The following SIRT5 variants were observed in gnomAD, a reference collection of about 807,000 sequenced individuals.
SIRT5 encodes the protein NAD-dependent protein deacylase sirtuin-5, mitochondrial.
In SIRT5, 26 loss-of-function variants were observed where a neutral mutation model predicts 40.0. That is an observed-to-expected ratio of 0.65 (90% confidence interval 0.48 to 0.90). The LOEUF (loss-of-function observed/expected upper bound fraction) is 0.90, where lower values mean the gene tolerates loss of function less well. Ranked by LOEUF, SIRT5 falls within the 40% of genes least tolerant of loss-of-function variation. The probability of loss-of-function intolerance (pLI) is 0.00; values close to 1 mark genes in which losing one functional copy is unlikely to be tolerated. For synonymous variants in SIRT5, 146 were observed against 149.1 expected, an observed-to-expected ratio of 0.98 and a Z score of 0.15; for missense variants, 401 against 402.4, an observed-to-expected ratio of 1.00 and a Z score of 0.03.
At chr6:13,603,086 G>GT (rs1056147400) in intron 9 of SIRT5, among the ~76,000 whole-genome samples, 3 of 152,064 alleles carry the variant, frequency 2.0e-5, no homozygotes, top group Admixed American at 6.6e-5. Context: ...GACCATCCTG[G>GT]TTAACACGGT....
At chr6:13,586,651 A>G (rs1355566781) in intron 3 of SIRT5, among the ~76,000 whole-genome samples, 1 of 152,088 alleles carries the variant, frequency 6.6e-6, no homozygotes, top group East Asian at 1.9e-4. Context: ...GCCAGAGAGG[A>G]AAAAGCCTAT....
At chr6:13,611,207 GTATATATATATA>G (rs1172335284) in intron 9 of SIRT5, among the ~76,000 whole-genome samples, 3 of 93,598 alleles carry the variant, frequency 3.2e-5, no homozygotes, top group South Asian at 3.7e-4. Flanking sequence ...GTGTGTGTGT[GTATATATATATA>G]TATATATATA....
intron 7 of SIRT5, among the ~76,000 whole-genome samples, chr6:13,598,124 T>G (rs1292506924): frequency 6.6e-6 from 1 of 152,188 alleles, no homozygotes; most frequent in Non-Finnish European, 1.5e-5. Context: ...ATTTTCCTCA[T>G]GAGGGTTTTA....
Position 13,584,106 on chromosome 6 carries a change from C to G in SIRT5, c.-5C>G, listed in dbSNP as rs1331800498. 3.7e-6 allele frequency: 6 copies of G among 1,612,138 alleles called. No homozygotes were observed. The highest frequency in any genetic ancestry group is 4.2e-6 in the Non-Finnish European group (5 of 1,178,252). On this transcript the variant is annotated 5_prime_UTR_variant, in exon 3 of 10. Coordinates refer to ENST00000606117, the MANE Select transcript of SIRT5 (RefSeq NM_012241.5). ...CTCAAGCATTAGAACTACAGACAAACCCTGATGCGACCTCTCCAGATTGTC... is the reference window on the plus strand; with the variant it reads ...CTCAAGCATTAGAACTACAGACAAAGCCTGATGCGACCTCTCCAGATTGTC...
intron 3 of SIRT5, among the ~76,000 whole-genome samples, chr6:13,586,659 T>C (rs1760120499): frequency 6.6e-6 from 1 of 152,176 alleles, no homozygotes; most frequent in African/African-American, 2.4e-5. Context: ...GGAAAAAGCC[T>C]ATTCTTCTTC....
rs984770957 is a variant in SIRT5, at chr6:13,607,229, G to A, written c.858-4561G>A. 6.6e-6 allele frequency among the ~76,000 whole-genome samples: 1 copy of A among 151,876 alleles called. No homozygotes were observed. Among genetic ancestry groups the A allele is most frequent in the African/African-American group, 2.4e-5 (1 of 41,326 alleles). On this transcript the variant is annotated intron_variant, in intron 9 of 9. Coordinates refer to ENST00000606117, the MANE Select transcript of SIRT5 (RefSeq NM_012241.5). This position sits in a 1 kb window ranked among gnomAD's most constrained non-coding sequence, Gnocchi z 4.0. ...AGGGGGAAGATGCCTGTTTATCTGT[G>A]TAGTTAGCAAATGACCCAGGTAATT... is the stretch of plus-strand genomic sequence containing the variant.
chr6:13,590,561 A>G (rs891135972), intron 4 of SIRT5, among the ~76,000 whole-genome samples: 3 of 150,588 alleles, frequency 2.0e-5, no homozygotes, highest in African/African-American at 7.3e-5. Flanking sequence ...AATTGTGTGT[A>G]TGTTTAGTTG....
chr6:13,583,282 CTT>C (rs1759603015), intron 2 of SIRT5, among the ~76,000 whole-genome samples: 1 of 109,478 alleles, frequency 9.1e-6, no homozygotes, highest in African/African-American at 3.4e-5. Context: ...TTTTTTTCTT[CTT>C]TGTTCTTTTT....
chr6:13,590,816 T>C, intron 4 of SIRT5, among the ~76,000 whole-genome samples: 1 of 151,520 alleles, frequency 6.6e-6, no homozygotes, highest in South Asian at 2.1e-4. Context: ...TGTGTGTAGT[T>C]GTGTGTGTGT....
intron 1 of SIRT5, 62 bp from the exon 2 acceptor site, chr6:13,579,389 C>T (rs1057182953): frequency 5.9e-5 from 9 of 152,124 alleles, no homozygotes; most frequent in Non-Finnish European, 1.0e-4. Flanking sequence ...TACAATCCTA[C>T]CTTCATGCCT....
At chr6:13,599,747 C>CA (rs1393715018) in intron 8 of SIRT5, among the ~76,000 whole-genome samples, 1 of 152,202 alleles carries the variant, frequency 6.6e-6, no homozygotes, top group Non-Finnish European at 1.5e-5. Context: ...GTACTTGTGA[C>CA]AGAGATTGAA....
Position 13,613,995 on chromosome 6 carries a change from T to C in SIRT5, c.*2130T>C, listed in dbSNP as rs1562287411. 1 of 152,248 alleles carries C rather than the reference T, an allele frequency of 6.6e-6. No individual in the cohort carries two copies. The highest frequency in any genetic ancestry group is 1.5e-5 in the Non-Finnish European group (1 of 68,038). The allele number at this position is 152,248 out of a possible 1,614,324, so 9.4% of individuals were successfully genotyped here. On this transcript the variant is annotated 3_prime_UTR_variant, in exon 10 of 10. Transcript: ENST00000606117. ...AGCAGCTTTTTTTGTTGTTGTTGTT[T>C]TCAAGTTTTATCATTTTTGTTCCTA...
Position 13,613,736 on chromosome 6 carries a change from A to G in SIRT5, c.*1871A>G, listed in dbSNP as rs1764128253. 1 of 152,262 alleles carries G rather than the reference A, an allele frequency of 6.6e-6. No individual in the cohort carries two copies. Among genetic ancestry groups the G allele is most frequent in the Non-Finnish European group, 1.5e-5 (1 of 68,042 alleles). The allele number at this position is 152,262 out of a possible 1,614,324, so 9.4% of individuals were successfully genotyped here. A position where few individuals can be genotyped will look rare whatever the true frequency, so the allele number is the denominator to read the frequency against. ...GGGCCAAGGAGTTTACACTGAGGGC[A>G]CTGGTAATACCTGTAATAGTCTTAT... On this transcript the variant is annotated 3_prime_UTR_variant, in exon 10 of 10. Coordinates refer to ENST00000606117, the MANE Select transcript of SIRT5 (RefSeq NM_012241.5).
Position 13,595,541 on chromosome 6 carries a change from T to G in SIRT5, c.540T>G (p.Ile180Met), listed in dbSNP as rs1584802615. 1 of 1,613,950 alleles carries G rather than the reference T, an allele frequency of 6.2e-7. No individual in the cohort carries two copies. The highest frequency in any genetic ancestry group is 2.2e-5 in the East Asian group (1 of 44,878). The change falls in exon 6 of 10, where the codon ATT becomes ATG. Residue 180 changes from isoleucine to methionine, a missense_variant. Coordinates refer to ENST00000606117, the MANE Select transcript of SIRT5 (RefSeq NM_012241.5). Reference protein sequence around the residue: ...GVVAENYKSPICPALSGKGAP... With the variant: ...GVVAENYKSPMCPALSGKGAP... ...TGGCTGAGAATTACAAGAGTCCAAT[T>G]TGTCCAGCTTTATCAGGAAAAGGGT...
rs141049222 is a variant in SIRT5, at chr6:13,591,676, C to T, written c.257C>T (p.Ala86Val). The part of the protein sequence containing the change: ...YWRKWQAQDL[A>V]TPLAFAHNPS... ...CTCCTCTCCCACTCCCAGGACCTGG[C>T]GACTCCCCTGGCCTTTGCCCACAAC... Residue 86 changes from alanine (A) to valine (V), a missense_variant, in exon 5 of 10, where the codon GCG becomes GTG. Physicochemically the swap from Ala to Val is moderately conservative, Grantham distance 64 (BLOSUM62 0). Transcript: ENST00000606117. The T allele has an allele frequency of 2.2e-4, 344 of 1,562,034 alleles. No homozygotes were observed. Among genetic ancestry groups the T allele is most frequent in the South Asian group, 3.1e-4 (27 of 85,726 alleles).
At chr6:13,583,114 G>C (rs866260851) in intron 2 of SIRT5, among the ~76,000 whole-genome samples, 6 of 152,182 alleles carry the variant, frequency 3.9e-5, no homozygotes, top group Middle Eastern at 6.8e-3. Context: ...GATGGGGTGG[G>C]AGGATCGCTG....
intron 9 of SIRT5, among the ~76,000 whole-genome samples, chr6:13,611,310 A>G (rs548853008): frequency 2.0e-5 from 3 of 150,082 alleles, no homozygotes; most frequent in Non-Finnish European, 4.4e-5. Flanking sequence ...GTGTCTATAT[A>G]TAACATGCCA....
chr6:13,578,507 C>G (rs757974555), intron 1 of SIRT5, among the ~76,000 whole-genome samples: 1 of 150,842 alleles, frequency 6.6e-6, no homozygotes, highest in Non-Finnish European at 1.5e-5. Context: ...GTAGTCCCAG[C>G]TACTCGGGAG....
chr6:13,598,658 G>A (rs1043511587), intron 7 of SIRT5, among the ~76,000 whole-genome samples: 16 of 151,990 alleles, frequency 1.1e-4, no homozygotes, highest in African/African-American at 3.6e-4. Context: ...GGTGAAACAT[G>A]TCTCTACTAA....
Sources: allele counts gnomAD v4.1 joint callset (sites outside exome capture counted in the v4.1 genomes callset), GRCh38; gene constraint gnomAD v4.1.1; non-coding constraint Gnocchi (gnomAD v3.1); transcripts MANE v1.5; gene names NCBI Gene and HGNC (gene_info 2026-07-23, HGNC 2026-07-21).